The following KCNH7 variants were observed in gnomAD, a reference collection of about 807,000 sequenced individuals.
KCNH7 encodes the protein potassium voltage-gated channel subfamily H member 7, also known as voltage-gated inwardly rectifying potassium channel KCNH7.
A neutral mutation model predicts 120.8 loss-of-function variants in KCNH7; 49 were observed. That is an observed-to-expected ratio of 0.41 (90% CI 0.32 to 0.51). The LOEUF (loss-of-function observed/expected upper bound fraction) is 0.51. Among genes scored for constraint, KCNH7 ranks in the 20% least tolerant of loss-of-function variants. The pLI is 0.38. For missense variants in KCNH7, 1,097 were observed against 1,446.6 expected (o/e 0.76, Z 3.92); for synonymous variants, 547 against 516.1 (o/e 1.06, Z -0.81).
intron 6 of KCNH7, among the ~76,000 whole-genome samples, chr2:162,487,877 T>C (rs935411576): frequency 2.6e-5 from 4 of 152,204 alleles, no homozygotes; most frequent in Non-Finnish European, 5.9e-5. Context: ...GGCCTTAGGC[T>C]GCTTGGATGT....
At chr2:162,663,099 G>A (rs1234171009) in intron 2 of KCNH7, among the ~76,000 whole-genome samples, 2 of 152,098 alleles carry the variant, frequency 1.3e-5, no homozygotes, top group Non-Finnish European at 2.9e-5. Flanking sequence ...ATAGGTTCGT[G>A]GTAAACCTAG....
chr2:162,400,424 T>C lies in KCNH7; in HGVS notation c.2172A>G (p.Pro724=). ...IDMNMVLKGF[P]ECLQADICLH... ...GACAAATGTCTGCTTGTAAGCATTCTGGGAAACCCTTTAGGACCTGAGGAA... is the reference window on the plus strand; with the variant it reads ...GACAAATGTCTGCTTGTAAGCATTCCGGGAAACCCTTTAGGACCTGAGGAA... Residue 724 remains proline, a synonymous_variant, in exon 10 of 16, where the codon CCA becomes CCG. Coordinates refer to ENST00000332142, the MANE Select transcript of KCNH7 (RefSeq NM_033272.4). 1 of 1,611,974 alleles carries C rather than the reference T, an allele frequency of 6.2e-7. No homozygotes were observed. The highest frequency in any genetic ancestry group is 8.5e-7 in the Non-Finnish European group (1 of 1,178,602).
chr2:162,516,890 A>G (rs2105783013), intron 4 of KCNH7, among the ~76,000 whole-genome samples: 1 of 151,794 alleles, frequency 6.6e-6, no homozygotes, highest in East Asian at 2.0e-4. Flanking sequence ...TATTTATGTT[A>G]TTTATTTAAC....
At chr2:162,611,626 G>A (rs1341907715) in intron 2 of KCNH7, among the ~76,000 whole-genome samples, 1 of 152,172 alleles carries the variant, frequency 6.6e-6, no homozygotes, top group Non-Finnish European at 1.5e-5. Context: ...AAGCCCATGA[G>A]GCTATGGGAA....
intron 4 of KCNH7, among the ~76,000 whole-genome samples, chr2:162,514,869 G>A (rs1691226252): frequency 6.6e-6 from 1 of 151,800 alleles, no homozygotes; most frequent in East Asian, 2.0e-4. Context: ...AATATTTAAA[G>A]TTCTGTGAAG....
intron 11 of KCNH7, among the ~76,000 whole-genome samples, chr2:162,395,319 G>A (rs1686879576): frequency 6.6e-6 from 1 of 151,694 alleles, no homozygotes; most frequent in South Asian, 2.1e-4. Context: ...GTGTAAAATA[G>A]TTAAAATTAG....
At chr2:162,724,552 G>A (rs1687449135) in intron 2 of KCNH7, among the ~76,000 whole-genome samples, 2 of 149,722 alleles carry the variant, frequency 1.3e-5, no homozygotes, top group African/African-American at 2.5e-5. Flanking sequence ...GGCGCCTGTA[G>A]TCCCAGCTAC....
chr2:162,389,827 A>G (rs183661285), intron 12 of KCNH7, among the ~76,000 whole-genome samples: 1 of 152,102 alleles, frequency 6.6e-6, no homozygotes, highest in South Asian at 2.1e-4. Flanking sequence ...TGCTAAATTA[A>G]CTAGAAAATA....
At chr2:162,588,869 A>T (rs1262294187) in intron 2 of KCNH7, among the ~76,000 whole-genome samples, 1 of 152,052 alleles carries the variant, frequency 6.6e-6, no homozygotes, top group African/African-American at 2.4e-5. Context: ...ACAAAATCCA[A>T]TAATGGTATT....
At chr2:162,770,984 A>G (rs935561603) in intron 2 of KCNH7, among the ~76,000 whole-genome samples, 1 of 152,082 alleles carries the variant, frequency 6.6e-6, no homozygotes, top group Non-Finnish European at 1.5e-5. Flanking sequence ...TTTTCTTCCT[A>G]TCCAGGTGAT....
chr2:162,712,197 G>A (rs892953804), intron 2 of KCNH7, among the ~76,000 whole-genome samples: 1 of 152,060 alleles, frequency 6.6e-6, no homozygotes, highest in East Asian at 1.9e-4. Flanking sequence ...AAAACAAAGT[G>A]AAGAAGTTTA....
At chr2:162,392,890 G>GA (rs59378335) in intron 12 of KCNH7, among the ~76,000 whole-genome samples, 12,939 of 149,460 alleles carry the variant, frequency 0.087, 1,788 homozygotes, top group African/African-American at 0.29. Flanking sequence ...GCTGCATTTA[G>GA]AAAAAAAAAA....
chr2:162,534,006 T>G (rs1378462553), intron 3 of KCNH7, among the ~76,000 whole-genome samples: 1 of 151,308 alleles, frequency 6.6e-6, no homozygotes, highest in Non-Finnish European at 1.5e-5. Context: ...CCAGAAGTTT[T>G]TAACAAAAAA....
At chr2:162,374,922 A>C (rs1298939003) in intron 14 of KCNH7, among the ~76,000 whole-genome samples, 1 of 152,164 alleles carries the variant, frequency 6.6e-6, no homozygotes, top group East Asian at 1.9e-4. Flanking sequence ...TTGAGTTATC[A>C]ACTGGTTTAT....
At chr2:162,556,000 T>C (rs75736166) in intron 2 of KCNH7, among the ~76,000 whole-genome samples, 5,545 of 152,166 alleles carry the variant, frequency 0.036, 431 homozygotes, top group Admixed American at 0.19. Flanking sequence ...AATTAGAACA[T>C]GATGTGATTA....
intron 2 of KCNH7, among the ~76,000 whole-genome samples, chr2:162,659,381 A>C (rs1449641210): frequency 6.8e-6 from 1 of 147,646 alleles, no homozygotes; most frequent in African/African-American, 2.5e-5. Flanking sequence ...TCGCTTTGTC[A>C]CCCAGGCTGG....
intron 2 of KCNH7, among the ~76,000 whole-genome samples, chr2:162,677,305 G>C (rs892789937): frequency 5.3e-5 from 8 of 151,424 alleles, no homozygotes; most frequent in Non-Finnish European, 1.0e-4. Context: ...AGAGGAGTCA[G>C]CCAATTGTCA....
intron 8 of KCNH7, 55 bp downstream of exon 8, chr2:162,435,143 T>C (rs1688195539): frequency 6.9e-7 from 1 of 1,449,214 alleles, no homozygotes; most frequent in Non-Finnish European, 9.4e-7. Flanking sequence ...TGTAGAAATA[T>C]TAATTTCAAG....
intron 2 of KCNH7, among the ~76,000 whole-genome samples, chr2:162,830,033 G>A (rs993270097): frequency 7.2e-5 from 11 of 151,992 alleles, no homozygotes; most frequent in South Asian, 2.1e-4. Flanking sequence ...ACAATAATGC[G>A]TAATAACAAG....
Sources: gnomAD v4.1 joint callset for allele counts (sites outside exome capture counted in the v4.1 genomes callset) on GRCh38, gnomAD v4.1.1 for gene constraint, MANE v1.5 for transcripts, NCBI Gene and HGNC (gene_info 2026-07-23, HGNC 2026-07-21) for gene names.